SCAF8: variants seen among roughly 807,000 people sequenced by gnomAD.
SCAF8 encodes the protein SR-related and CTD-associated factor 8.
SCAF8 carries 23 observed loss-of-function variants against 140.5 expected under a neutral mutation model. The observed-to-expected ratio is 0.16, with a 90% confidence interval of 0.12 to 0.23. The LOEUF is 0.23. SCAF8 is among the 10% of genes least tolerant of loss of function. The pLI is 1.00. For missense variants in SCAF8, 1,397 were observed against 1,555.7 expected, an observed-to-expected ratio of 0.90 and a Z score of 1.72; for synonymous variants, 575 against 528.9, an observed-to-expected ratio of 1.09 and a Z score of -1.20.
chr6:154,810,061 C>G lies in SCAF8; in HGVS notation c.1273C>G (p.Arg425Gly). ...TAGGTCACGGTCTGGCTCTAGAAAG[C>G]GTAAACACAGAAAGCGATCACGCTC... ...RSRSRSGSRK[R>G]KHRKRSRSRS... The change falls in exon 12 of 20, where the codon CGT (arginine) becomes GGT (glycine). Residue 425 changes from arginine to glycine, a missense_variant. Arg to Gly is a moderately radical substitution (Grantham distance 125). Around this residue, in one of 5 missense-constraint regions of SCAF8, gnomAD observed 339 missense variants for 407.5 expected, o/e 0.83. Coordinates refer to ENST00000367178, the MANE Select transcript of SCAF8 (RefSeq NM_014892.5). 1.2e-6 allele frequency: 2 copies of G among 1,611,976 alleles called. No individual in the cohort carries two copies. The highest frequency in any genetic ancestry group is 2.2e-5 in the South Asian group (2 of 90,652).
At chr6:154,805,515 A>G in intron 9 of SCAF8, 29 bp downstream of exon 9, 4 of 1,270,310 alleles carry the variant, frequency 3.1e-6, no homozygotes, top group Non-Finnish European at 4.4e-6. Context: ...TGGTCTTTAG[A>G]GTTATTACTA....
rs1324307401 is a variant in SCAF8, at chr6:154,786,524, C to G, written c.160-1337C>G. 2.6e-5 allele frequency among the ~76,000 whole-genome samples: 4 copies of G among 152,194 alleles called. No homozygotes were observed. The East Asian group carries it at 5.8e-4, about 22-fold the overall frequency. ...ACTGGTACCCAGGCAAGAAGAGGGT[C>G]TTTTTGGGAAAGGGCTATTATTAAA... is the stretch of plus-strand genomic sequence containing the variant. On this transcript the variant is annotated intron_variant, in intron 3 of 19. Coordinates refer to ENST00000367178, the MANE Select transcript of SCAF8 (RefSeq NM_014892.5).
chr6:154,827,057 A>T, intron 17 of SCAF8, 115 bp from the exon 18 acceptor site: 1 of 777,170 alleles, frequency 1.3e-6, no homozygotes, highest in Non-Finnish European at 2.0e-6. Flanking sequence ...ATATATAAAT[A>T]TGAGGTTGTA....
At position 154,795,014 on chromosome 6, in the gene SCAF8, C is replaced by T; in HGVS notation, c.481C>T (p.Pro161Ser). Residue 161 changes from proline to serine, a missense_variant, in exon 6 of 20, where the codon CCT (proline) becomes TCT (serine). Coordinates refer to ENST00000367178, the MANE Select transcript of SCAF8 (RefSeq NM_014892.5). Reference protein sequence around the residue: ...TTAMSNTPGTPVTPVTPANVV... With the variant: ...TTAMSNTPGTSVTPVTPANVV... The stretch of plus-strand genomic sequence containing the variant: ...TGTGATGTTCTTTTTAAAAGGAACT[C>T]CTGTGACACCTGTTACTCCGGCCAA... 2 of 1,598,568 alleles carry T rather than the reference C, an allele frequency of 1.3e-6. No individual in the cohort carries two copies. The highest frequency in any genetic ancestry group is 1.7e-6 in the Non-Finnish European group (2 of 1,175,208).
intron 18 of SCAF8, among the ~76,000 whole-genome samples, chr6:154,828,908 C>T (rs1778647591): frequency 6.6e-6 from 1 of 152,042 alleles, no homozygotes; most frequent in Non-Finnish European, 1.5e-5. Flanking sequence ...TTTTCATTTT[C>T]ATACAATATA....
chr6:154,788,249 T>C (rs1176683326), intron 4 of SCAF8, among the ~76,000 whole-genome samples: 1 of 152,190 alleles, frequency 6.6e-6, no homozygotes, highest in Non-Finnish European at 1.5e-5. Flanking sequence ...GCCTACAGTA[T>C]GCAGTACAGT....
intron 1 of SCAF8, among the ~76,000 whole-genome samples, chr6:154,760,726 T>C (rs2114823606): frequency 6.6e-6 from 1 of 152,256 alleles, no homozygotes; most frequent in Admixed American, 6.5e-5. Flanking sequence ...TTTTTTGTAT[T>C]TTCCAATTTT....
In SCAF8 at chr6:154,833,801, A is replaced by C. The variant is rs1778822108; in HGVS notation, c.*406A>C. On this transcript the variant is annotated 3_prime_UTR_variant, in exon 20 of 20. Coordinates refer to ENST00000367178, the MANE Select transcript of SCAF8 (RefSeq NM_014892.5). Reference sequence around the variant, plus strand: ...TATCTTTAGGCTGCTGCAGAATTTTAAGGTTATAGATAAAGCTGTGATATT... The same window carrying C: ...TATCTTTAGGCTGCTGCAGAATTTTCAGGTTATAGATAAAGCTGTGATATT... 1.3e-5 allele frequency: 2 copies of C among 158,474 alleles called. No individual in the cohort carries two copies. The highest frequency in any genetic ancestry group is 1.2e-4 in the Admixed American group (2 of 16,018). 9.8% of individuals were successfully genotyped at this position (158,474 alleles called of 1,614,324 possible). A position where few individuals can be genotyped will look rare whatever the true frequency, so the allele number is the denominator to read the frequency against.
At chr6:154,824,401 T>G in intron 17 of SCAF8, 23 bp downstream of exon 17, 1 of 1,591,688 alleles carries the variant, frequency 6.3e-7, no homozygotes, top group Non-Finnish European at 8.6e-7. Flanking sequence ...TGTTTTAATA[T>G]TTGAACTCTA....
intron 17 of SCAF8, among the ~76,000 whole-genome samples, chr6:154,826,229 A>G (rs1458022325): frequency 6.6e-6 from 1 of 152,164 alleles, no homozygotes; most frequent in Non-Finnish European, 1.5e-5. Context: ...TCAAAATTAA[A>G]TATTTCAGAA....
At chr6:154,821,714 G>A (rs1395459430) in intron 15 of SCAF8, among the ~76,000 whole-genome samples, 1 of 152,178 alleles carries the variant, frequency 6.6e-6, no homozygotes, top group Non-Finnish European at 1.5e-5. Flanking sequence ...GACCATTATA[G>A]CTTGCGCAGA....
intron 1 of SCAF8, among the ~76,000 whole-genome samples, chr6:154,741,338 T>G (rs965827736): frequency 6.6e-6 from 1 of 152,194 alleles, no homozygotes; most frequent in Admixed American, 6.5e-5. Context: ...GAATTTGTTA[T>G]AGTAATTGTG....
At chr6:154,802,193 T>C (rs752551933) in intron 7 of SCAF8, 46 bp downstream of exon 7, 2 of 1,138,934 alleles carry the variant, frequency 1.8e-6, no homozygotes, top group Admixed American at 2.9e-5. Context: ...TTATTAAATA[T>C]TATATACTAT....
intron 4 of SCAF8, among the ~76,000 whole-genome samples, chr6:154,791,095 ACTT>A (rs953437713): frequency 1.4e-4 from 21 of 152,202 alleles, no homozygotes; most frequent in African/African-American, 5.1e-4. Context: ...AACTGCTGAT[ACTT>A]CTTACAAAAT....
At chr6:154,753,649 A>G (rs777663853) in intron 1 of SCAF8, among the ~76,000 whole-genome samples, 2 of 152,160 alleles carry the variant, frequency 1.3e-5, no homozygotes, top group Non-Finnish European at 2.9e-5. Context: ...TTTTATATAT[A>G]TACATGTATA....
intron 9 of SCAF8, among the ~76,000 whole-genome samples, 163 bp downstream of exon 9, chr6:154,805,649 T>C (rs1281822682): frequency 2.0e-5 from 3 of 152,052 alleles, no homozygotes; most frequent in African/African-American, 4.8e-5. Flanking sequence ...AAGTTTGTTA[T>C]GGTGATATTT....
intron 6 of SCAF8, among the ~76,000 whole-genome samples, chr6:154,796,552 C>G (rs947349279): frequency 6.6e-6 from 1 of 152,140 alleles, no homozygotes; most frequent in Non-Finnish European, 1.5e-5. Flanking sequence ...TCACCCTACT[C>G]TATTTTCAAA....
At chr6:154,796,389 C>CTCTCTGTCTGTCTGTCTG (rs376622207) in intron 6 of SCAF8, among the ~76,000 whole-genome samples, 1 of 140,968 alleles carries the variant, frequency 7.1e-6, no homozygotes, top group African/African-American at 2.8e-5. Flanking sequence ...CTCTCTCTCT[C>CTCTCTGTCTGTCTGTCTG]TCTGTCTCTC....
Position 154,820,461 on chromosome 6 carries a change from A to T in SCAF8, c.1792+128A>T. ...ATCTCCCAAAAAAGAGAAAAGATAC[A>T]TTACTATGCCCTAGTGTACATGCTT... is the stretch of plus-strand genomic sequence containing the variant. On this transcript the variant is annotated intron_variant, in intron 15 of 19. Coordinates refer to ENST00000367178, the MANE Select transcript of SCAF8 (RefSeq NM_014892.5). The T allele has an allele frequency of 4.2e-6, 3 of 705,886 alleles. No homozygotes were observed. In the South Asian group the frequency reaches 5.8e-5, roughly 14 times the overall value. 43.7% of individuals were successfully genotyped at this position (705,886 alleles called of 1,614,324 possible).
Sources: gnomAD v4.1 joint callset for allele counts (sites outside exome capture counted in the v4.1 genomes callset) on GRCh38, gnomAD v4.1.1 for gene constraint, gnomAD v4.1.1 regional missense constraint, MANE v1.5 for transcripts, NCBI Gene and HGNC (gene_info 2026-07-23, HGNC 2026-07-21) for gene names.